Variants in MARCHF1 observed in about 807,000 individuals in gnomAD.
MARCHF1 encodes the protein membrane associated ring-CH-type finger 1.
Under a neutral mutation model 54.2 loss-of-function variants are expected in MARCHF1, and 40 were observed. That is an observed-to-expected ratio of 0.74 (90% CI 0.57 to 0.96). MARCHF1 has a LOEUF of 0.96. Ranked by LOEUF, MARCHF1 falls within the 40% of genes least tolerant of loss-of-function variation. The pLI is 0.00. For missense variants in MARCHF1, 586 were observed against 656.5 expected (o/e 0.89, Z 1.17); for synonymous variants, 236 against 236.3 (o/e 1.00, Z 0.01).
At chr4:164,068,687 C>T (rs1432505365) in intron 2 of MARCHF1, among the ~76,000 whole-genome samples, 1 of 152,130 alleles carries the variant, frequency 6.6e-6, no homozygotes, top group Non-Finnish European at 1.5e-5. Context: ...GAGTGCCGCC[C>T]CCTGCTCCAT....
At chr4:163,574,282 G>A (rs1272218275) in intron 8 of MARCHF1, among the ~76,000 whole-genome samples, 1 of 152,048 alleles carries the variant, frequency 6.6e-6, no homozygotes, top group Admixed American at 6.6e-5. Flanking sequence ...CACTCTGATG[G>A]TAGTTTCTTT....
intron 1 of MARCHF1, among the ~76,000 whole-genome samples, chr4:164,187,330 T>C (rs570530073): frequency 1.3e-5 from 2 of 152,272 alleles, no homozygotes; most frequent in African/African-American, 4.8e-5. Flanking sequence ...CAGAGGCAGA[T>C]TGGTTTCCTG....
At chr4:164,133,096 G>A (rs1756334614) in intron 1 of MARCHF1, among the ~76,000 whole-genome samples, 1 of 152,160 alleles carries the variant, frequency 6.6e-6, no homozygotes. Flanking sequence ...AGGAAAGGGA[G>A]TAAATTATCT....
chr4:163,636,460 C>G (rs1240875183), intron 5 of MARCHF1, among the ~76,000 whole-genome samples: 2 of 146,772 alleles, frequency 1.4e-5, no homozygotes, highest in African/African-American at 2.5e-5. Flanking sequence ...AACAGACAAA[C>G]AGAGAGCCAA....
At chr4:163,990,024 T>C (rs1320424845) in intron 2 of MARCHF1, among the ~76,000 whole-genome samples, 2 of 152,224 alleles carry the variant, frequency 1.3e-5, no homozygotes, top group East Asian at 1.9e-4. Context: ...ATTTCCATTA[T>C]GACATTACAA....
At chr4:163,721,919 T>C (rs886199032) in intron 4 of MARCHF1, among the ~76,000 whole-genome samples, 3 of 152,136 alleles carry the variant, frequency 2.0e-5, no homozygotes, top group Non-Finnish European at 4.4e-5. Context: ...TGCTTCTCTC[T>C]TTTCCTCTTT....
intron 1 of MARCHF1, among the ~76,000 whole-genome samples, chr4:164,148,191 C>G (rs1729820690): frequency 6.6e-6 from 1 of 150,896 alleles, no homozygotes; most frequent in South Asian, 2.1e-4. Flanking sequence ...AACCAAGAAA[C>G]TATGTAACAG....
At chr4:164,261,600 C>G (rs998997051) in intron 1 of MARCHF1, among the ~76,000 whole-genome samples, 1 of 152,116 alleles carries the variant, frequency 6.6e-6, no homozygotes, top group African/African-American at 2.4e-5. Context: ...CTTAATCATC[C>G]TGAGGTTACA....
intron 2 of MARCHF1, among the ~76,000 whole-genome samples, chr4:164,049,260 T>C (rs1342997428): frequency 1.3e-5 from 2 of 152,112 alleles, no homozygotes; most frequent in African/African-American, 2.4e-5. Flanking sequence ...GCTTGCAGGA[T>C]AACTCCCTCA....
intron 3 of MARCHF1, among the ~76,000 whole-genome samples, chr4:163,947,239 T>C (rs1752042683): frequency 6.6e-6 from 1 of 152,210 alleles, no homozygotes; most frequent in Non-Finnish European, 1.5e-5. Flanking sequence ...ACTAGATTTT[T>C]AATTTTTTGT....
chr4:164,105,336 G>A (rs1755667736), intron 2 of MARCHF1, among the ~76,000 whole-genome samples: 1 of 146,250 alleles, frequency 6.8e-6, no homozygotes, highest in African/African-American at 2.5e-5. Flanking sequence ...GAACAAAGCT[G>A]GAGGCATCAC....
intron 4 of MARCHF1, among the ~76,000 whole-genome samples, chr4:163,821,099 C>G (rs1748680298): frequency 6.6e-6 from 1 of 152,068 alleles, no homozygotes; most frequent in African/African-American, 2.4e-5. Flanking sequence ...CCCTGGCCTT[C>G]TAGGCTTTTA....
At chr4:163,697,424 T>G (rs1744670003) in intron 5 of MARCHF1, among the ~76,000 whole-genome samples, 1 of 152,188 alleles carries the variant, frequency 6.6e-6, no homozygotes, top group African/African-American at 2.4e-5. Flanking sequence ...TGAACTCTTC[T>G]GTGCACTGTT....
intron 4 of MARCHF1, among the ~76,000 whole-genome samples, chr4:163,721,199 T>A (rs572341492): frequency 6.6e-6 from 1 of 152,222 alleles, no homozygotes; most frequent in Non-Finnish European, 1.5e-5. Context: ...TTGAGATATG[T>A]CCCATCAATA....
intron 1 of MARCHF1, among the ~76,000 whole-genome samples, chr4:164,151,790 CA>C (rs966994361): frequency 1.3e-5 from 2 of 151,866 alleles, no homozygotes; most frequent in Non-Finnish European, 2.9e-5. Flanking sequence ...ACGCCCCCCC[CA>C]AAAAAATATA....
chr4:163,671,716 A>G (rs1743744352), intron 5 of MARCHF1, among the ~76,000 whole-genome samples: 3 of 152,078 alleles, frequency 2.0e-5, no homozygotes, highest in Non-Finnish European at 2.9e-5. Context: ...CATATATTAA[A>G]TTTGCAAAAC....
rs1027471223 is a variant in MARCHF1, at chr4:163,527,132, T to G, written c.*1616A>C. On this transcript the variant is annotated 3_prime_UTR_variant, in exon 10 of 10. Coordinates refer to ENST00000514618, the MANE Select transcript of MARCHF1 (RefSeq NM_001394959.1). ...ACAGCTAACAAAAATAAGTCACCTT[T>G]TTTAATGTAGGACATCTTTCTTTGA... The G allele has an allele frequency of 2.6e-5, 4 of 152,074 alleles. No individual in the cohort carries two copies. Among genetic ancestry groups the G allele is most frequent in the African/African-American group, 9.7e-5 (4 of 41,442 alleles). 9.4% of individuals were successfully genotyped at this position (152,074 alleles called of 1,614,324 possible).
chr4:163,810,164 C>T (rs1382604721), intron 4 of MARCHF1, among the ~76,000 whole-genome samples: 1 of 151,858 alleles, frequency 6.6e-6, no homozygotes. Context: ...ACTGAGATTG[C>T]TGTTGTACAA....
rs555830803 is a variant in MARCHF1, at chr4:164,294,154, G to C, written c.-323+89716C>G. On this transcript the variant is annotated intron_variant, in intron 1 of 9. Coordinates refer to ENST00000514618, the MANE Select transcript of MARCHF1 (RefSeq NM_001394959.1). ...ACTTACACACCAGTGGTTTGCCAGG[G>C]GCCCTTAGGCCTTCGGCCACAGACT... is the stretch of plus-strand genomic sequence containing the variant. Among the ~76,000 whole-genome samples the C allele has an allele frequency of 2.4e-3, 371 of 152,272 alleles. 1 individual carries two copies. Among genetic ancestry groups the C allele is most frequent in the Non-Finnish European group, 2.9e-3 (196 of 68,032 alleles).
Sources: allele counts gnomAD v4.1 joint callset (sites outside exome capture counted in the v4.1 genomes callset), GRCh38; gene constraint gnomAD v4.1.1; transcripts MANE v1.5; gene names NCBI Gene and HGNC (gene_info 2026-07-23, HGNC 2026-07-21).